Variants in PTPRD observed in about 807,000 individuals in gnomAD.
PTPRD encodes receptor-type tyrosine-protein phosphatase delta.
In PTPRD, 34 loss-of-function variants were observed where a neutral mutation model predicts 214.5. The ratio of observed to expected loss-of-function variants is 0.16; its 90% CI spans 0.12 to 0.21. The LOEUF is 0.21. PTPRD is among the 10% of genes least tolerant of loss of function. The pLI, the probability that PTPRD is intolerant of heterozygous loss-of-function variation, is 1.00. For synonymous variants in PTPRD, 1,128 were observed against 845.7 expected (o/e 1.33, Z -5.79); for missense variants, 2,545 against 2,398.7 (o/e 1.06, Z -1.27).
intron 4 of PTPRD, among the ~76,000 whole-genome samples, chr9:10,017,382 T>C (rs2154114757): frequency 6.6e-6 from 1 of 152,296 alleles, no homozygotes; most frequent in African/African-American, 2.4e-5. Flanking sequence ...TTGGCTTTAC[T>C]AATTTTCTTT....
Position 8,690,450 on chromosome 9 carries a change from C to A in PTPRD, c.64+43330G>T, listed in dbSNP as rs957138204. ...GCTGAGGCAGGAGAACGGCATGAACCACCAGGAGGGAGAGCTTGCACTGAG... is the reference window on the plus strand; with the variant it reads ...GCTGAGGCAGGAGAACGGCATGAACAACCAGGAGGGAGAGCTTGCACTGAG... On this transcript the variant is annotated intron_variant, in intron 12 of 45. Transcript: ENST00000381196. Among the ~76,000 whole-genome samples, 12 of 150,288 alleles carry A rather than the reference C, an allele frequency of 8.0e-5. No individual in the cohort carries two copies. In the East Asian group the frequency reaches 2.0e-3, roughly 25 times the overall value.
intron 14 of PTPRD, among the ~76,000 whole-genome samples, chr9:8,585,120 G>A (rs1427157227): frequency 1.3e-5 from 2 of 152,054 alleles, no homozygotes; most frequent in Non-Finnish European, 2.9e-5. Context: ...GTACTTTAAG[G>A]CTCAAATGAA....
chr9:9,690,275 T>C (rs929427780), intron 7 of PTPRD, among the ~76,000 whole-genome samples: 3 of 151,888 alleles, frequency 2.0e-5, no homozygotes, highest in Non-Finnish European at 2.9e-5. Flanking sequence ...TGTTGGCCAT[T>C]TGTGTGTCTT....
At chr9:8,542,032 A>C (rs534090958) in intron 14 of PTPRD, among the ~76,000 whole-genome samples, 2 of 152,178 alleles carry the variant, frequency 1.3e-5, no homozygotes, top group African/African-American at 4.8e-5. Context: ...AGAGTTGTCA[A>C]GCATCCACAT....
chr9:8,808,810 G>C lies in PTPRD; in HGVS notation c.-103-74864C>G, dbSNP rs535945457. 9.2e-5 allele frequency among the ~76,000 whole-genome samples: 14 copies of C among 152,192 alleles called. No individual in the cohort carries two copies. The South Asian group carries it at 2.7e-3, about 29-fold the overall frequency. On this transcript the variant is annotated intron_variant, in intron 11 of 45. Coordinates refer to ENST00000381196, the MANE Select transcript of PTPRD (RefSeq NM_002839.4). ...TCCTAGGACCCAGACTGGACTCAATGAATCAAACTCTCTGGATATGGTGTC... is the reference window on the plus strand; with the variant it reads ...TCCTAGGACCCAGACTGGACTCAATCAATCAAACTCTCTGGATATGGTGTC...
intron 44 of PTPRD, among the ~76,000 whole-genome samples, chr9:8,331,327 ATTGGTAAT>A (rs1840670355): frequency 6.6e-6 from 1 of 152,130 alleles, no homozygotes; most frequent in African/African-American, 2.4e-5. Context: ...TTAAGGTAAA[ATTGGTAAT>A]TTGGTTTGTC....
intron 5 of PTPRD, among the ~76,000 whole-genome samples, chr9:9,906,577 G>C (rs960997318): frequency 6.6e-6 from 1 of 151,844 alleles, no homozygotes; most frequent in Non-Finnish European, 1.5e-5. Flanking sequence ...ACATTCCTAT[G>C]ACACATTTAT....
Position 9,004,954 on chromosome 9 carries a change from G to C in PTPRD, c.-104+13743C>G, listed in dbSNP as rs538832843. Among the ~76,000 whole-genome samples, 3 of 152,086 alleles carry C rather than the reference G, an allele frequency of 2.0e-5. No individual in the cohort carries two copies. In the East Asian group the frequency reaches 5.8e-4, roughly 29 times the overall value. The stretch of plus-strand genomic sequence containing the variant: ...GAAGCCAAAAATGAGCTAATTTTCA[G>C]TGTCATTTGCATTATCCGCCAGGTG... On this transcript the variant is annotated intron_variant, in intron 11 of 45. Coordinates refer to ENST00000381196, the MANE Select transcript of PTPRD (RefSeq NM_002839.4).
At chr9:8,675,551 A>C (rs2097390570) in intron 12 of PTPRD, among the ~76,000 whole-genome samples, 1 of 147,930 alleles carries the variant, frequency 6.8e-6, no homozygotes, top group South Asian at 2.1e-4. Flanking sequence ...AAAAAAAAAA[A>C]AAAAAAAAAA....
intron 10 of PTPRD, among the ~76,000 whole-genome samples, chr9:9,043,091 T>C (rs1156360752): frequency 1.3e-5 from 2 of 152,180 alleles, no homozygotes; most frequent in South Asian, 2.1e-4. Flanking sequence ...CCAATAAATT[T>C]ACAACAAATT....
intron 3 of PTPRD, among the ~76,000 whole-genome samples, chr9:10,085,457 T>C (rs768977964): frequency 1.4e-4 from 22 of 151,900 alleles, no homozygotes; most frequent in Non-Finnish European, 4.4e-5. Flanking sequence ...GATTGAGTTC[T>C]TCACTGAGAA....
intron 5 of PTPRD, among the ~76,000 whole-genome samples, chr9:9,802,804 C>G (rs1416693487): frequency 1.3e-5 from 2 of 151,792 alleles, no homozygotes; most frequent in Non-Finnish European, 2.9e-5. Context: ...ACCTCCCCCT[C>G]CCTCAGAAAA....
chr9:8,817,675 C>T, intron 11 of PTPRD, among the ~76,000 whole-genome samples: 1 of 152,118 alleles, frequency 6.6e-6, no homozygotes, highest in South Asian at 2.1e-4. Flanking sequence ...ATAAAATATA[C>T]CTTCTATCAA....
At chr9:8,806,766 T>TGC (rs1214051647) in intron 11 of PTPRD, among the ~76,000 whole-genome samples, 3 of 152,164 alleles carry the variant, frequency 2.0e-5, no homozygotes, top group Admixed American at 1.3e-4. Context: ...AGAAGATACT[T>TGC]AGATTACTGT....
At chr9:10,014,688 C>A (rs1326719197) in intron 4 of PTPRD, among the ~76,000 whole-genome samples, 2 of 151,840 alleles carry the variant, frequency 1.3e-5, no homozygotes, top group East Asian at 3.9e-4. Context: ...AAGAATAGAA[C>A]AAGGAAAGGA....
chr9:10,378,383 T>C (rs961559803), intron 2 of PTPRD, among the ~76,000 whole-genome samples: 2 of 152,038 alleles, frequency 1.3e-5, no homozygotes, highest in African/African-American at 4.8e-5. Context: ...CAAAAAATTT[T>C]GCCCAGATCA....
At chr9:8,957,644 C>A (rs1158371436) in intron 11 of PTPRD, among the ~76,000 whole-genome samples, 1 of 151,850 alleles carries the variant, frequency 6.6e-6, no homozygotes, top group African/African-American at 2.4e-5. Flanking sequence ...GTAAGCTCTT[C>A]AAAGACAAGA....
chr9:9,378,613 C>T (rs978463815), intron 9 of PTPRD, among the ~76,000 whole-genome samples: 7 of 152,102 alleles, frequency 4.6e-5, no homozygotes, highest in African/African-American at 1.7e-4. Flanking sequence ...AGTAGCTCTA[C>T]CATTTTATAT....
At chr9:10,093,032 A>G (rs2098448105) in intron 3 of PTPRD, among the ~76,000 whole-genome samples, 5 of 151,690 alleles carry the variant, frequency 3.3e-5, no homozygotes, top group Admixed American at 2.6e-4. Flanking sequence ...CTGTCTCAAC[A>G]TTGGCTTTGG....
Sources: gnomAD v4.1 joint callset for allele counts (sites outside exome capture counted in the v4.1 genomes callset) on GRCh38, gnomAD v4.1.1 for gene constraint, MANE v1.5 for transcripts, NCBI Gene and HGNC (gene_info 2026-07-23, HGNC 2026-07-21) for gene names.